SSH2: variants seen among roughly 807,000 people sequenced by gnomAD.
The protein encoded by SSH2 is protein phosphatase Slingshot homolog 2.
Under a neutral mutation model 135.2 loss-of-function variants are expected in SSH2, and 37 were observed. The observed-to-expected ratio is 0.27, with a 90% CI of 0.21 to 0.36. The LOEUF is 0.36. SSH2 is among the 10% of genes least tolerant of loss of function. SSH2 has a pLI of 1.00. For synonymous variants in SSH2, 628 were observed against 646.2 expected, an observed-to-expected ratio of 0.97 and a Z score of 0.43; for missense variants, 1,408 against 1,765.3, an observed-to-expected ratio of 0.80 and a Z score of 3.63.
At chr17:29,887,173 G>A (rs1050396551) in intron 1 of SSH2, among the ~76,000 whole-genome samples, 14 of 152,058 alleles carry the variant, frequency 9.2e-5, no homozygotes, top group Non-Finnish European at 2.1e-4. Context: ...AGGATATTTT[G>A]TTAACAACTT....
chr17:29,691,976 T>A (rs1171416964), intron 5 of SSH2, among the ~76,000 whole-genome samples: 1 of 150,900 alleles, frequency 6.6e-6, no homozygotes, highest in East Asian at 2.0e-4. Context: ...CTGTCTCTAC[T>A]ACAAATACAA....
intron 3 of SSH2, among the ~76,000 whole-genome samples, chr17:29,742,229 C>T (rs900078883): frequency 6.6e-6 from 1 of 151,560 alleles, no homozygotes; most frequent in African/African-American, 2.4e-5. Context: ...GCCACTGGCC[C>T]GGTTGCTTCA....
chr17:29,748,135 AC>A (rs2040821093), intron 3 of SSH2, among the ~76,000 whole-genome samples: 2 of 152,308 alleles, frequency 1.3e-5, no homozygotes, highest in South Asian at 4.1e-4. Context: ...TTCTCAGTTA[AC>A]TTGGCTAAGC....
At chr17:29,678,494 ACACTCAATAGT>A (rs1300733194) in intron 6 of SSH2, among the ~76,000 whole-genome samples, 1 of 152,190 alleles carries the variant, frequency 6.6e-6, no homozygotes, top group East Asian at 1.9e-4. Flanking sequence ...ACACCAGAAC[ACACTCAATAGT>A]CTAAAAGGCA....
chr17:29,751,606 T>C (rs1486647791), intron 3 of SSH2, among the ~76,000 whole-genome samples: 1 of 151,538 alleles, frequency 6.6e-6, no homozygotes, highest in Non-Finnish European at 1.5e-5. Context: ...CACAAACACA[T>C]GAGTAATACA....
At chr17:29,721,781 A>G (rs1271322737) in intron 3 of SSH2, among the ~76,000 whole-genome samples, 2 of 152,218 alleles carry the variant, frequency 1.3e-5, no homozygotes, top group Admixed American at 6.5e-5. Context: ...CTTATTCACC[A>G]TTAAGAAGAC....
Position 29,631,909 on chromosome 17 carries a change from C to A in SSH2, c.3285G>T (p.Gln1095His). 6.2e-7 allele frequency: 1 copy of A among 1,614,152 alleles called. No homozygotes were observed. Among genetic ancestry groups the A allele is most frequent in the Admixed American group, 1.7e-5 (1 of 60,014 alleles). The change falls in exon 16 of 16, where the codon CAG (glutamine) becomes CAT (histidine). Residue 1095 changes from glutamine (Q) to histidine (H), a missense_variant. Physicochemically the swap from Gln to His is conservative, Grantham distance 24. This residue lies in a region of SSH2 where 1,080 missense variants were observed against 1,144.5 expected (regional missense o/e 0.94). Transcript: ENST00000540801. ...GTAGCACTTGGGGGTGCAGAGAAACCTGGTTGGGGTCCAGAGTCCTGTTTA... is the reference window on the plus strand; with the variant it reads ...GTAGCACTTGGGGGTGCAGAGAAACATGGTTGGGGTCCAGAGTCCTGTTTA... Reference protein sequence around the residue: ...ENLNRTLDPNQVSLHPQVLPL... With the variant: ...ENLNRTLDPNHVSLHPQVLPL...
In SSH2 at chr17:29,702,954, A is replaced by G; in HGVS notation, c.292+5T>C. ...AGAAAGAAATGGTGTATATGCAAGC[A>G]TTACCTGCATGCTTGTTCCGTCTGT... On this transcript the variant is annotated splice_donor_5th_base_variant and intron_variant, in intron 4 of 15. Transcript: ENST00000540801. 6.2e-7 allele frequency: 1 copy of G among 1,607,736 alleles called. No individual in the cohort carries two copies. The highest frequency in any genetic ancestry group is 8.5e-7 in the Non-Finnish European group (1 of 1,174,314).
chr17:29,825,240 T>C (rs924869057), intron 2 of SSH2, among the ~76,000 whole-genome samples: 10 of 152,214 alleles, frequency 6.6e-5, no homozygotes, highest in Admixed American at 5.9e-4. Flanking sequence ...GAGAAATGTT[T>C]ATTTCCTTTT....
In SSH2 at chr17:29,766,108, A is replaced by C. The variant is rs961745220; in HGVS notation, c.188+27786T>G. Among the ~76,000 whole-genome samples the C allele has an allele frequency of 2.1e-5, 3 of 144,308 alleles. No homozygotes were observed. In the East Asian group the frequency reaches 6.0e-4, roughly 29 times the overall value. 94.7% of individuals were successfully genotyped at this position (144,308 alleles called of 152,430 possible). ...TATTATTATTATTATCATCATCATCATCCATAAATTGGTCAGTCAGCTTTC... is the reference window on the plus strand; with the variant it reads ...TATTATTATTATTATCATCATCATCCTCCATAAATTGGTCAGTCAGCTTTC... On this transcript the variant is annotated intron_variant, in intron 3 of 15. Coordinates refer to ENST00000540801, the MANE Select transcript of SSH2 (RefSeq NM_001282129.2).
At chr17:29,755,780 G>A (rs1394181478) in intron 3 of SSH2, among the ~76,000 whole-genome samples, 2 of 150,678 alleles carry the variant, frequency 1.3e-5, no homozygotes, top group African/African-American at 2.4e-5. Flanking sequence ...TCCTGCCTCA[G>A]CCTGCTGAGT....
intron 3 of SSH2, among the ~76,000 whole-genome samples, chr17:29,744,796 T>C (rs1445082067): frequency 6.6e-6 from 1 of 151,920 alleles, no homozygotes; most frequent in Non-Finnish European, 1.5e-5. Context: ...GCTGATGTAA[T>C]AATAATATCT....
chr17:29,761,334 A>AG (rs145624169), intron 3 of SSH2: 36,358 of 1,105,324 alleles, frequency 0.033, 1,171 homozygotes, highest in African/African-American at 0.16. Context: ...CTCCGGCACG[A>AG]GGCGCAGGCT....
intron 13 of SSH2, 124 bp from the exon 14 acceptor site, chr17:29,648,468 T>A (rs1598717757): frequency 1.4e-6 from 1 of 738,472 alleles, no homozygotes; most frequent in Non-Finnish European, 2.2e-6. Context: ...ATGCAATCTC[T>A]CCACTTTGGT....
rs146258053 is a variant in SSH2, at chr17:29,911,295, A to G, written c.63+18643T>C. ...ATGGAAGAAACTGTGCCCCTCAGAC[A>G]GTCTCAGTTACAGAGTTGTATGCCC... On this transcript the variant is annotated intron_variant, in intron 1 of 15. Coordinates refer to ENST00000540801, the MANE Select transcript of SSH2 (RefSeq NM_001282129.2). Among the ~76,000 whole-genome samples, 4 of 152,292 alleles carry G rather than the reference A, an allele frequency of 2.6e-5. No homozygotes were observed. The East Asian group carries it at 7.7e-4, about 29-fold the overall frequency.
At chr17:29,761,373 CCG>C in intron 3 of SSH2, 1 of 1,068,752 alleles carries the variant, frequency 9.4e-7, no homozygotes. Flanking sequence ...GGAGGCGGGC[CCG>C]CCGGGTCGCG....
intron 4 of SSH2, among the ~76,000 whole-genome samples, chr17:29,696,672 C>CGTGT (rs60502729): frequency 0.019 from 2,635 of 137,506 alleles, 84 homozygotes; most frequent in African/African-American, 0.063. Context: ...TATATACGTA[C>CGTGT]GTGTGTGTGT....
chr17:29,658,398 T>G (rs571836612), intron 11 of SSH2, among the ~76,000 whole-genome samples: 1 of 151,836 alleles, frequency 6.6e-6, no homozygotes, highest in Non-Finnish European at 1.5e-5. Flanking sequence ...GCTATAGCCT[T>G]GAACTTCTGG....
At chr17:29,857,391 T>A (rs1228633201) in intron 1 of SSH2, among the ~76,000 whole-genome samples, 2 of 152,016 alleles carry the variant, frequency 1.3e-5, no homozygotes, top group Non-Finnish European at 2.9e-5. Flanking sequence ...CGGGAAAGAC[T>A]TGCCTCATGA....
Sources: gnomAD v4.1 joint callset for allele counts (sites outside exome capture counted in the v4.1 genomes callset) on GRCh38, gnomAD v4.1.1 for gene constraint, gnomAD v4.1.1 regional missense constraint, MANE v1.5 for transcripts, NCBI Gene and HGNC (gene_info 2026-07-23, HGNC 2026-07-21) for gene names.